The following OPHN1 variants were observed in gnomAD, a reference collection of about 807,000 sequenced individuals.
OPHN1 encodes the protein oligophrenin-1.
A neutral mutation model predicts 60.7 loss-of-function variants in OPHN1; 11 were observed. The ratio of observed to expected loss-of-function variants is 0.18; its 90% confidence interval spans 0.11 to 0.30. The LOEUF (loss-of-function observed/expected upper bound fraction) is 0.30. Among genes scored for constraint, OPHN1 ranks in the 10% least tolerant of loss-of-function variants. OPHN1 has a pLI of 1.00. For missense variants in OPHN1, 449 were observed against 611.0 expected (o/e 0.73, Z 2.80); for synonymous variants, 226 against 222.6 (o/e 1.02, Z -0.14).
intron 15 of OPHN1, among the ~76,000 whole-genome samples, chrX:68,167,026 CA>C (rs1345875900): frequency 3.8e-4 from 42 of 111,848 alleles, no homozygotes; most frequent in Non-Finnish European, 4.5e-4. Flanking sequence ...CAAAAATGGA[CA>C]AATGGGATCA....
chrX:68,245,766 A>T (rs1179315867), intron 5 of OPHN1, among the ~76,000 whole-genome samples: 1 of 112,338 alleles, frequency 8.9e-6, no homozygotes, highest in African/African-American at 3.2e-5. Flanking sequence ...CTATAACTGG[A>T]TCATATTTGG....
At chrX:68,319,048 G>T (rs1016515193) in intron 2 of OPHN1, among the ~76,000 whole-genome samples, 8 of 111,266 alleles carry the variant, frequency 7.2e-5, no homozygotes, top group African/African-American at 2.6e-4. Flanking sequence ...GCAGTGTCAG[G>T]TTTCTCCACT....
At chrX:68,277,022 C>T (rs1229926386) in intron 4 of OPHN1, among the ~76,000 whole-genome samples, 1 of 111,548 alleles carries the variant, frequency 9.0e-6, no homozygotes, top group Non-Finnish European at 1.9e-5. Context: ...AAGAATCGCC[C>T]AGCTGACCCG....
chrX:68,262,615 C>G (rs750621294), intron 5 of OPHN1, among the ~76,000 whole-genome samples: 56 of 112,140 alleles, frequency 5.0e-4, no homozygotes, highest in Non-Finnish European at 7.5e-4. Flanking sequence ...GAAACCCCAT[C>G]TCTACTAAAA....
chrX:68,120,084 T>A (rs1323958018), intron 15 of OPHN1, among the ~76,000 whole-genome samples: 1 of 110,993 alleles, frequency 9.0e-6, no homozygotes, highest in Non-Finnish European at 1.9e-5. Flanking sequence ...GGAAAAAAAA[T>A]TCCTGAGAAG....
intron 5 of OPHN1, among the ~76,000 whole-genome samples, chrX:68,256,390 T>G (rs1265416882): frequency 1.8e-5 from 2 of 111,648 alleles, no homozygotes; most frequent in Non-Finnish European, 3.8e-5. Context: ...TGCGCATTGT[T>G]AGAAAATGAT....
At chrX:68,309,212 C>A (rs1184798642) in intron 2 of OPHN1, among the ~76,000 whole-genome samples, 1 of 111,627 alleles carries the variant, frequency 9.0e-6, no homozygotes, top group Non-Finnish European at 1.9e-5. Context: ...CTAAGAAACC[C>A]ATGTTAAGAA....
At chrX:68,374,879 A>T (rs191767237) in intron 2 of OPHN1, among the ~76,000 whole-genome samples, 65 of 112,326 alleles carry the variant, frequency 5.8e-4, no homozygotes, top group African/African-American at 2.1e-3. Flanking sequence ...GTTCAACGTC[A>T]TTAGTCATTA....
At chrX:68,257,746 C>T (rs951508645) in intron 5 of OPHN1, among the ~76,000 whole-genome samples, 48 of 111,270 alleles carry the variant, frequency 4.3e-4, no homozygotes, top group African/African-American at 1.5e-3. Flanking sequence ...TATGTAGTAG[C>T]TACACGTTGC....
chrX:68,300,418 A>G (rs2078114448), intron 2 of OPHN1, among the ~76,000 whole-genome samples: 2 of 112,756 alleles, frequency 1.8e-5, no homozygotes. Flanking sequence ...TTATTATCAG[A>G]ATTTTAAGTC....
At chrX:68,119,111 C>T in intron 16 of OPHN1, 137 bp downstream of exon 16, 1 of 489,342 alleles carries the variant, frequency 2.0e-6, no homozygotes, top group Non-Finnish European at 3.7e-6. Flanking sequence ...CATTCTTGGC[C>T]AGAAATCCTC....
At chrX:68,316,424 C>T (rs200872153) in intron 2 of OPHN1, among the ~76,000 whole-genome samples, 1 of 111,859 alleles carries the variant, frequency 8.9e-6, no homozygotes, top group Non-Finnish European at 1.9e-5. Flanking sequence ...GTTTTCTATT[C>T]GCTGCCATAA....
chrX:68,105,272 T>C (rs2077076420), intron 18 of OPHN1, among the ~76,000 whole-genome samples: 1 of 110,353 alleles, frequency 9.1e-6, no homozygotes, highest in Non-Finnish European at 1.9e-5. Flanking sequence ...ATCTAGAACC[T>C]GAAATACCAT....
chrX:68,149,310 A>G (rs1180380636), intron 15 of OPHN1, among the ~76,000 whole-genome samples: 1 of 111,912 alleles, frequency 8.9e-6, no homozygotes, highest in Non-Finnish European at 1.9e-5. Flanking sequence ...ATGAATATGA[A>G]GCAAACCAAT....
At chrX:68,343,637 G>A (rs2078365680) in intron 2 of OPHN1, among the ~76,000 whole-genome samples, 1 of 109,942 alleles carries the variant, frequency 9.1e-6, no homozygotes, top group African/African-American at 3.3e-5. Flanking sequence ...ATTGATGTGG[G>A]TTGCAATGAG....
intron 12 of OPHN1, among the ~76,000 whole-genome samples, chrX:68,195,752 A>C (rs2077510413): frequency 8.9e-6 from 1 of 112,035 alleles, no homozygotes; most frequent in Admixed American, 9.5e-5. Flanking sequence ...GTATGCCCAC[A>C]GATATTTCAG....
intron 2 of OPHN1, among the ~76,000 whole-genome samples, chrX:68,340,766 G>C (rs1308742294): frequency 9.0e-6 from 1 of 111,290 alleles, no homozygotes; most frequent in Non-Finnish European, 1.9e-5. Context: ...CACTTTGGGA[G>C]GCCAAGGTGG....
chrX:68,129,865 C>T (rs2077186825), intron 15 of OPHN1, among the ~76,000 whole-genome samples: 1 of 112,035 alleles, frequency 8.9e-6, no homozygotes, highest in Non-Finnish European at 1.9e-5. Flanking sequence ...CAGAAATAAG[C>T]CCATCATGCT....
At position 68,331,991 on chromosome X, in the gene OPHN1, G is replaced by A. The variant is rs1233989000; in HGVS notation, c.155-32895C>T. On this transcript the variant is annotated intron_variant, in intron 2 of 24. Coordinates refer to ENST00000355520, the MANE Select transcript of OPHN1 (RefSeq NM_002547.3). ...GCAGAGGTTGTGGTGAGCCGAGATCGCACCATTGCACTCCAGCCTGGTGAC... is the reference window on the plus strand; with the variant it reads ...GCAGAGGTTGTGGTGAGCCGAGATCACACCATTGCACTCCAGCCTGGTGAC... Among the ~76,000 whole-genome samples the A allele has an allele frequency of 3.6e-5, 4 of 110,410 alleles. No individual in the cohort carries two copies. The East Asian group carries it at 8.5e-4, about 24-fold the overall frequency.
Sources: gnomAD v4.1 joint callset for allele counts (sites outside exome capture counted in the v4.1 genomes callset) on GRCh38, gnomAD v4.1.1 for gene constraint, MANE v1.5 for transcripts, NCBI Gene and HGNC (gene_info 2026-07-23, HGNC 2026-07-21) for gene names.